MED13L: variants seen among roughly 807,000 people sequenced by gnomAD.
MED13L encodes mediator of RNA polymerase II transcription subunit 13-like.
MED13L carries 7 observed loss-of-function variants against 220.9 expected under a neutral mutation model. That is an observed-to-expected ratio of 0.03 (90% CI 0.02 to 0.06). MED13L has a LOEUF of 0.06. Among genes scored for constraint, MED13L ranks in the 10% least tolerant of loss-of-function variants. The pLI is 1.00. For missense variants in MED13L, 1,965 were observed against 2,760.5 expected (o/e 0.71, Z 6.46); for synonymous variants, 1,011 against 1,015.2 (o/e 1.00, Z 0.08).
intron 2 of MED13L, among the ~76,000 whole-genome samples, chr12:116,197,839 G>C (rs573688390): frequency 6.6e-6 from 1 of 151,132 alleles, no homozygotes; most frequent in African/African-American, 2.4e-5. Flanking sequence ...AAATTAGAAA[G>C]CAACTCTTTA....
chr12:115,972,757 G>C (rs1467661432), intron 25 of MED13L, among the ~76,000 whole-genome samples: 1 of 152,218 alleles, frequency 6.6e-6, no homozygotes, highest in Non-Finnish European at 1.5e-5. Flanking sequence ...ACGAGTGTGA[G>C]TGAAGTGCTC....
chr12:116,271,519 G>A (rs898374730), intron 1 of MED13L, among the ~76,000 whole-genome samples: 5 of 151,758 alleles, frequency 3.3e-5, no homozygotes, highest in Non-Finnish European at 4.4e-5. Flanking sequence ...GCGTGAACCC[G>A]GGAGGCTGAG....
intron 14 of MED13L, among the ~76,000 whole-genome samples, chr12:115,999,986 A>C (rs1592933247): frequency 6.6e-6 from 1 of 152,228 alleles, no homozygotes; most frequent in East Asian, 1.9e-4. Flanking sequence ...CTAATCCGTA[A>C]AATGGGAAAA....
intron 2 of MED13L, among the ~76,000 whole-genome samples, chr12:116,137,100 C>T (rs575647601): frequency 6.6e-6 from 1 of 152,280 alleles, no homozygotes; most frequent in South Asian, 2.1e-4. Flanking sequence ...ATGAACATCT[C>T]AGGCCACTGC....
intron 4 of MED13L, among the ~76,000 whole-genome samples, chr12:116,024,694 C>G (rs1468120776): frequency 1.4e-5 from 2 of 137,994 alleles, no homozygotes; most frequent in Admixed American, 8.6e-5. Context: ...TTTTTAAAAT[C>G]CTTGCCCAGA....
chr12:116,228,921 TTAA>T (rs1658572152), intron 2 of MED13L, among the ~76,000 whole-genome samples: 1 of 152,208 alleles, frequency 6.6e-6, no homozygotes, highest in Non-Finnish European at 1.5e-5. Context: ...CTATGCCATC[TTAA>T]TGATCAACAA....
Position 116,074,300 on chromosome 12 carries a change from CAGG to C in MED13L, c.479+22366_479+22368del, listed in dbSNP as rs1870612914. Among the ~76,000 whole-genome samples the C allele has an allele frequency of 3.3e-5, 5 of 152,276 alleles. No homozygotes were observed. In the South Asian group the frequency reaches 1.0e-3, roughly 32 times the overall value. ...GTCCCAGCTACTTGGGAGGCTGAAG[CAGG>C]AGAATTCCTTGAACCCAGGAAGCAG... On this transcript the variant is annotated intron_variant, in intron 4 of 30. Coordinates refer to ENST00000281928, the MANE Select transcript of MED13L (RefSeq NM_015335.5).
chr12:116,217,500 C>T (rs146106012), intron 2 of MED13L, among the ~76,000 whole-genome samples: 7 of 152,124 alleles, frequency 4.6e-5, no homozygotes, highest in African/African-American at 9.7e-5. Context: ...CAGTTCACGT[C>T]GGCCCATGAT....
intron 1 of MED13L, among the ~76,000 whole-genome samples, chr12:116,264,592 C>A (rs912624181): frequency 1.3e-5 from 2 of 152,134 alleles, no homozygotes; most frequent in Non-Finnish European, 2.9e-5. Flanking sequence ...TTTCTTAGAT[C>A]ATCACATCTT....
intron 4 of MED13L, among the ~76,000 whole-genome samples, chr12:116,023,550 C>CA (rs150339937): frequency 0.031 from 4,642 of 147,408 alleles, 132 homozygotes; most frequent in South Asian, 0.16. Flanking sequence ...GAGTACTACT[C>CA]AAAAAAAAAA....
At chr12:115,992,106 A>G in intron 16 of MED13L, 149 bp from the exon 17 acceptor site, 1 of 721,422 alleles carries the variant, frequency 1.4e-6, no homozygotes, top group Non-Finnish European at 2.3e-6. Flanking sequence ...TTTTCTCTTA[A>G]AAAAAAAAAA....
At chr12:116,157,862 G>T (rs950228122) in intron 2 of MED13L, among the ~76,000 whole-genome samples, 8 of 152,164 alleles carry the variant, frequency 5.3e-5, no homozygotes, top group African/African-American at 1.7e-4. Context: ...TGAGCCCTTA[G>T]TGCCCAAGCA....
intron 16 of MED13L, among the ~76,000 whole-genome samples, chr12:115,992,888 G>A (rs929351814): frequency 6.6e-6 from 1 of 151,962 alleles, no homozygotes; most frequent in Non-Finnish European, 1.5e-5. Flanking sequence ...AGGTTCTGCT[G>A]TTTCATTATC....
intron 4 of MED13L, among the ~76,000 whole-genome samples, chr12:116,058,096 A>C (rs900526540): frequency 6.6e-6 from 1 of 152,196 alleles, no homozygotes; most frequent in Non-Finnish European, 1.5e-5. Context: ...GGAAGGATTC[A>C]ACTATAGACA....
At chr12:116,146,630 G>A (rs1210162738) in intron 2 of MED13L, among the ~76,000 whole-genome samples, 3 of 151,826 alleles carry the variant, frequency 2.0e-5, no homozygotes, top group African/African-American at 4.8e-5. Context: ...TTTGGGAGAC[G>A]AAGGCAGGGG....
At chr12:116,204,216 C>T (rs969887715) in intron 2 of MED13L, among the ~76,000 whole-genome samples, 5 of 152,068 alleles carry the variant, frequency 3.3e-5, no homozygotes, top group African/African-American at 9.7e-5. Context: ...TTCTAGATTA[C>T]GGACCATAAT....
chr12:115,970,295 T>G (rs1876491133), intron 27 of MED13L, among the ~76,000 whole-genome samples: 1 of 152,216 alleles, frequency 6.6e-6, no homozygotes, highest in Non-Finnish European at 1.5e-5. Context: ...CAGCAAATAT[T>G]TATTGAAAGA....
At chr12:116,205,077 C>T (rs1265882533) in intron 2 of MED13L, among the ~76,000 whole-genome samples, 1 of 152,100 alleles carries the variant, frequency 6.6e-6, no homozygotes, top group Non-Finnish European at 1.5e-5. Flanking sequence ...GGCTTGCCTT[C>T]TGGGACACAC....
intron 9 of MED13L, 60 bp downstream of exon 9, chr12:116,012,737 T>A: frequency 8.5e-7 from 1 of 1,174,884 alleles, no homozygotes; most frequent in Non-Finnish European, 1.3e-6. Context: ...GGCCAGGAGA[T>A]GAATCAACAA....
Sources: gnomAD v4.1 joint callset for allele counts (sites outside exome capture counted in the v4.1 genomes callset) on GRCh38, gnomAD v4.1.1 for gene constraint, MANE v1.5 for transcripts, NCBI Gene and HGNC (gene_info 2026-07-23, HGNC 2026-07-21) for gene names.